TRRAP: variants seen among roughly 807,000 people sequenced by gnomAD.
The protein encoded by TRRAP is transformation/transcription domain-associated protein.
A neutral mutation model predicts 438.8 loss-of-function variants in TRRAP; 41 were observed. The observed-to-expected ratio is 0.09, with a 90% confidence interval of 0.07 to 0.12. The LOEUF is 0.12. Among genes scored for constraint, TRRAP ranks in the 10% least tolerant of loss-of-function variants. The pLI is 1.00. For synonymous variants in TRRAP, 1,994 were observed against 1,962.9 expected (o/e 1.02, Z -0.42); for missense variants, 3,122 against 5,055.1 (o/e 0.62, Z 11.60).
At chr7:98,943,307 A>C (rs1790888208) in intron 31 of TRRAP, among the ~76,000 whole-genome samples, 1 of 152,192 alleles carries the variant, frequency 6.6e-6, no homozygotes, top group Non-Finnish European at 1.5e-5. Flanking sequence ...CAATTTTACC[A>C]GCTCTGCTTT....
At chr7:98,947,607 C>T (rs1791143533) in intron 33 of TRRAP, among the ~76,000 whole-genome samples, 1 of 152,134 alleles carries the variant, frequency 6.6e-6, no homozygotes, top group East Asian at 1.9e-4. Context: ...AGGCGCCCGC[C>T]ACCACGCTCG....
At chr7:99,001,144 C>T (rs1448907759) in intron 67 of TRRAP, among the ~76,000 whole-genome samples, 2 of 152,260 alleles carry the variant, frequency 1.3e-5, no homozygotes, top group South Asian at 2.1e-4. Flanking sequence ...AGGGTTGCAT[C>T]GAGGTTGCAT....
intron 33 of TRRAP, among the ~76,000 whole-genome samples, chr7:98,946,534 A>G (rs1476868305): frequency 6.8e-6 from 1 of 147,458 alleles, no homozygotes; most frequent in Non-Finnish European, 1.5e-5. Flanking sequence ...TGCACTCACA[A>G]CATACATGCA....
In TRRAP at chr7:98,924,877, A is replaced by G. The variant is rs540737225; in HGVS notation, c.2824-235A>G. Among the ~76,000 whole-genome samples, 782 of 150,534 alleles carry G rather than the reference A, an allele frequency of 5.2e-3. 5 individuals carry two copies. Among genetic ancestry groups the G allele is most frequent in the African/African-American group, 0.018 (736 of 40,952 alleles). ...AACTTAGCTGGGCGTGGTGGCGGGCACCTGTAGTCCCAGCTACTTGGGAGG... is the reference window on the plus strand; with the variant it reads ...AACTTAGCTGGGCGTGGTGGCGGGCGCCTGTAGTCCCAGCTACTTGGGAGG... On this transcript the variant is annotated intron_variant, in intron 21 of 72. Transcript: ENST00000456197.
intron 21 of TRRAP, 130 bp downstream of exon 21, chr7:98,922,083 C>A: frequency 7.7e-7 from 1 of 1,299,836 alleles, no homozygotes. Context: ...AGGTGATCGG[C>A]CTGGTTGGCA....
intron 27 of TRRAP, among the ~76,000 whole-genome samples, chr7:98,934,021 G>A (rs1387320594): frequency 6.6e-6 from 1 of 152,074 alleles, no homozygotes; most frequent in Admixed American, 6.6e-5. Context: ...TTTTTTAGTG[G>A]ACTTGATTTG....
At chr7:98,996,038 C>T (rs1329907472) in intron 67 of TRRAP, among the ~76,000 whole-genome samples, 4 of 149,404 alleles carry the variant, frequency 2.7e-5, no homozygotes, top group Admixed American at 1.3e-4. Context: ...CATTCACACT[C>T]CCCCGTCTAG....
At chr7:98,879,015 C>G (rs1254889033) in intron 1 of TRRAP, among the ~76,000 whole-genome samples, 1 of 151,992 alleles carries the variant, frequency 6.6e-6, no homozygotes, top group East Asian at 2.0e-4. Context: ...CGCCCCCCGG[C>G]CAACCTGGCA....
intron 33 of TRRAP, among the ~76,000 whole-genome samples, chr7:98,946,426 C>G (rs891647356): frequency 6.6e-6 from 1 of 151,864 alleles, no homozygotes; most frequent in African/African-American, 2.4e-5. Flanking sequence ...ACACACCACA[C>G]ATGCACACAC....
rs750697086 is a variant in TRRAP at position 98,977,062 on chromosome 7, G to A, written c.8371G>A (p.Gly2791Arg). The A allele has an allele frequency of 6.2e-6, 10 of 1,614,128 alleles. No individual in the cohort carries two copies. The East Asian group carries it at 8.9e-5, about 14-fold the overall frequency. Residue 2791 changes from glycine (G) to arginine (R), a missense_variant, in exon 56 of 73, where the codon GGG (glycine) becomes AGG (arginine). Around this residue, in one of 24 missense-constraint regions of TRRAP, gnomAD observed 992 missense variants for 1,281.2 expected, o/e 0.77. Coordinates refer to ENST00000456197, the MANE Select transcript of TRRAP (RefSeq NM_001375524.1). ...GACTGCGATTGCTTACGAGCAGCAC[G>A]GGTTCTTTGAGCAGGTAAACCTCAG... Reference protein sequence around the residue: ...TATAIAYEQHGFFEQAQESYE... With the variant: ...TATAIAYEQHRFFEQAQESYE...
intron 31 of TRRAP, among the ~76,000 whole-genome samples, chr7:98,944,110 G>A (rs192068334): frequency 8.7e-4 from 133 of 152,328 alleles, no homozygotes; most frequent in African/African-American, 3.1e-3. Context: ...GGAACTCTTC[G>A]TGGAGGAGAG....
At chr7:98,911,377 A>G in intron 17 of TRRAP, 106 bp downstream of exon 17, 5 of 1,132,726 alleles carry the variant, frequency 4.4e-6, no homozygotes, top group Non-Finnish European at 6.1e-6. Flanking sequence ...GTAGCCAAGG[A>G]TGTGCTTATA....
intron 70 of TRRAP, 137 bp from the exon 71 acceptor site, chr7:99,010,915 G>A (rs896184775): frequency 3.4e-5 from 30 of 887,138 alleles, no homozygotes; most frequent in Non-Finnish European, 3.9e-5. Context: ...CTAACAATGC[G>A]TGCGTTAAAT....
At chr7:98,922,606 A>G (rs1405985021) in intron 21 of TRRAP, among the ~76,000 whole-genome samples, 1 of 151,848 alleles carries the variant, frequency 6.6e-6, no homozygotes, top group East Asian at 1.9e-4. Context: ...GTCCTTCCCC[A>G]CATGGTGGCA....
chr7:99,002,391 T>C (rs145133006), intron 67 of TRRAP, among the ~76,000 whole-genome samples: 102 of 152,318 alleles, frequency 6.7e-4, no homozygotes, highest in African/African-American at 2.4e-3. Flanking sequence ...AGGATGCTGG[T>C]GTGGGAGGAA....
intron 27 of TRRAP, 51 bp downstream of exon 27, chr7:98,933,453 C>G (rs1554413459): frequency 6.4e-7 from 1 of 1,565,750 alleles, no homozygotes; most frequent in African/African-American, 1.4e-5. Context: ...CGTGTGTCTG[C>G]TAGCCTGTCT....
At chr7:98,977,307 G>C (rs1455544032) in intron 56 of TRRAP, among the ~76,000 whole-genome samples, 3 of 152,036 alleles carry the variant, frequency 2.0e-5, no homozygotes, top group Admixed American at 6.6e-5. Context: ...GATTACAGGC[G>C]CCCACCACCA....
At position 98,979,779 on chromosome 7, in the gene TRRAP, C is replaced by T. The variant is rs551187887; in HGVS notation, c.8634+875C>T. 1.7e-4 allele frequency among the ~76,000 whole-genome samples: 26 copies of T among 152,254 alleles called. No homozygotes were observed. The South Asian group carries it at 5.4e-3, about 32-fold the overall frequency. On this transcript the variant is annotated intron_variant, in intron 58 of 72. Coordinates refer to ENST00000456197, the MANE Select transcript of TRRAP (RefSeq NM_001375524.1). The stretch of plus-strand genomic sequence containing the variant: ...ATCATTTTATAAAACTTGTAAATTA[C>T]TCACTGCTTAGAAAAAAACTCAAAT...
rs782078583 is a variant in TRRAP, at chr7:98,908,951, C to A, written c.1339C>A (p.Arg447=). The A allele has an allele frequency of 6.2e-7, 1 of 1,612,562 alleles. No individual in the cohort carries two copies. Among genetic ancestry groups the A allele is most frequent in the South Asian group, 1.1e-5 (1 of 90,900 alleles). ...TGGCAATGGGAGAGACGTCCTGATGCGGATGCTGGAGGTACCAGCTCTTCT... is the reference window on the plus strand; with the variant it reads ...TGGCAATGGGAGAGACGTCCTGATGAGGATGCTGGAGGTACCAGCTCTTCT... ...ESGNGRDVLM[R]MLEVFVLKFH... Residue 447 remains arginine (R), a synonymous_variant, in exon 14 of 73, where the codon CGG becomes AGG. Coordinates refer to ENST00000456197, the MANE Select transcript of TRRAP (RefSeq NM_001375524.1). This position sits in a 1 kb window ranked among gnomAD's most constrained non-coding sequence, Gnocchi z 4.1.
Sources: gnomAD v4.1 joint callset for allele counts (sites outside exome capture counted in the v4.1 genomes callset) on GRCh38, gnomAD v4.1.1 for gene constraint, gnomAD v4.1.1 regional missense constraint, Gnocchi (gnomAD v3.1) non-coding constraint, MANE v1.5 for transcripts, NCBI Gene and HGNC (gene_info 2026-07-23, HGNC 2026-07-21) for gene names.